Variants in CCSER1 observed in about 807,000 individuals in gnomAD.
CCSER1 encodes serine-rich coiled-coil domain-containing protein 1.
A neutral mutation model predicts 82.0 loss-of-function variants in CCSER1; 41 were observed. The ratio of observed to expected loss-of-function variants is 0.50; its 90% CI spans 0.39 to 0.65. The LOEUF (loss-of-function observed/expected upper bound fraction) is 0.65, where lower values mean the gene tolerates loss of function less well. Ranked by LOEUF, CCSER1 falls within the 30% of genes least tolerant of loss-of-function variation. The probability of loss-of-function intolerance (pLI) is 0.00; values close to 1 mark genes in which losing one functional copy is unlikely to be tolerated. For synonymous variants in CCSER1, 414 were observed against 383.9 expected, an observed-to-expected ratio of 1.08 and a Z score of -0.92; for missense variants, 1,119 against 1,064.2, an observed-to-expected ratio of 1.05 and a Z score of -0.72.
intron 10 of CCSER1, among the ~76,000 whole-genome samples, chr4:91,437,626 G>C (rs1754753529): frequency 6.6e-6 from 1 of 152,192 alleles, no homozygotes; most frequent in South Asian, 2.1e-4. Flanking sequence ...CAGACAGTGG[G>C]CGCAGGACAG....
chr4:90,586,255 C>T (rs191818522), intron 5 of CCSER1, among the ~76,000 whole-genome samples: 2 of 152,168 alleles, frequency 1.3e-5, no homozygotes, highest in African/African-American at 4.8e-5. Context: ...TATACCCCCC[C>T]ACCCCAGTTT....
intron 3 of CCSER1, chr4:90,325,623 A>C (rs1181877399): frequency 6.7e-6 from 3 of 449,420 alleles, no homozygotes; most frequent in South Asian, 4.7e-5. Flanking sequence ...TGACCATCTG[A>C]ATAGATGCTT....
chr4:91,514,215 C>G (rs1316393528), intron 10 of CCSER1, among the ~76,000 whole-genome samples: 1 of 152,034 alleles, frequency 6.6e-6, no homozygotes, highest in Non-Finnish European at 1.5e-5. Flanking sequence ...ATTGTTAACC[C>G]AAAAGTAATT....
intron 9 of CCSER1, among the ~76,000 whole-genome samples, chr4:91,047,781 T>C (rs1742640632): frequency 6.6e-6 from 1 of 152,178 alleles, no homozygotes; most frequent in African/African-American, 2.4e-5. Context: ...TTTAGGCATA[T>C]TTTGAGGAAG....
chr4:90,777,090 T>C (rs578173935), intron 7 of CCSER1, among the ~76,000 whole-genome samples: 4 of 152,230 alleles, frequency 2.6e-5, no homozygotes, highest in African/African-American at 9.6e-5. Context: ...GAGCGGTGGC[T>C]CATGCCTGTA....
At chr4:90,844,629 C>T (rs115473817) in intron 8 of CCSER1, among the ~76,000 whole-genome samples, 1 of 152,160 alleles carries the variant, frequency 6.6e-6, no homozygotes, top group South Asian at 2.1e-4. Context: ...CACTACTCTA[C>T]ACTATTTAAA....
At chr4:90,690,865 T>G (rs1246535450) in intron 6 of CCSER1, among the ~76,000 whole-genome samples, 1 of 152,044 alleles carries the variant, frequency 6.6e-6, no homozygotes, top group Non-Finnish European at 1.5e-5. Flanking sequence ...AATACAAAGT[T>G]GTATGCTTTT....
chr4:91,102,343 G>C (rs1259330384), intron 10 of CCSER1, among the ~76,000 whole-genome samples: 1 of 152,202 alleles, frequency 6.6e-6, no homozygotes, highest in Non-Finnish European at 1.5e-5. Context: ...AGAATAGGCA[G>C]GGATTAGGCA....
chr4:90,309,161 A>G lies in CCSER1; in HGVS notation c.877A>G (p.Thr293Ala). The G allele has an allele frequency of 6.2e-7, 1 of 1,613,876 alleles. No individual in the cohort carries two copies. Among genetic ancestry groups the G allele is most frequent in the Non-Finnish European group, 8.5e-7 (1 of 1,179,830 alleles). The change falls in exon 2 of 11, where the codon ACC becomes GCC. Residue 293 changes from threonine to alanine, a missense_variant. Coordinates refer to ENST00000509176, the MANE Select transcript of CCSER1 (RefSeq NM_001145065.2). ...TGACAACTTTGGCCACAATGATTCTACCTCTCAGATGTCCCTCAATTCTGC... is the reference window on the plus strand; with the variant it reads ...TGACAACTTTGGCCACAATGATTCTGCCTCTCAGATGTCCCTCAATTCTGC... ...HCDNFGHNDS[T>A]SQMSLNSAAV...
chr4:90,719,167 A>G (rs968405578), intron 6 of CCSER1, among the ~76,000 whole-genome samples: 1 of 151,970 alleles, frequency 6.6e-6, no homozygotes, highest in Non-Finnish European at 1.5e-5. Flanking sequence ...GCCATTACCA[A>G]CTGAGCTCCA....
At chr4:91,442,652 C>T (rs1755257282) in intron 10 of CCSER1, among the ~76,000 whole-genome samples, 1 of 135,640 alleles carries the variant, frequency 7.4e-6, no homozygotes, top group East Asian at 2.2e-4. Context: ...AGCTTCTGCA[C>T]AGCAAAAGAA....
At chr4:91,427,776 T>C (rs921742379) in intron 10 of CCSER1, among the ~76,000 whole-genome samples, 3 of 152,142 alleles carry the variant, frequency 2.0e-5, no homozygotes, top group African/African-American at 7.2e-5. Context: ...TGACTGTTTG[T>C]CATGGAGTTT....
chr4:90,403,476 G>A (rs1270285013), intron 4 of CCSER1, among the ~76,000 whole-genome samples: 1 of 136,154 alleles, frequency 7.3e-6, no homozygotes, highest in Non-Finnish European at 1.5e-5. Flanking sequence ...TCCAGCCTGG[G>A]CGACAGAGCG....
intron 8 of CCSER1, among the ~76,000 whole-genome samples, chr4:90,835,411 T>C (rs1394968916): frequency 6.6e-6 from 1 of 152,220 alleles, no homozygotes; most frequent in Non-Finnish European, 1.5e-5. Flanking sequence ...ACAGCTCATA[T>C]TTGAGCTTCT....
At chr4:90,916,270 A>G (rs1314405965) in intron 8 of CCSER1, among the ~76,000 whole-genome samples, 1 of 152,198 alleles carries the variant, frequency 6.6e-6, no homozygotes, top group Non-Finnish European at 1.5e-5. Context: ...ACTATACTAC[A>G]AGGCTACAGT....
intron 10 of CCSER1, among the ~76,000 whole-genome samples, chr4:91,396,900 C>T (rs1487895346): frequency 1.3e-5 from 2 of 151,930 alleles, no homozygotes; most frequent in Admixed American, 6.6e-5. Context: ...TTTCCCAACA[C>T]TGATAGGAAT....
At position 91,082,220 on chromosome 4, in the gene CCSER1, T is replaced by C. The variant is rs956848218; in HGVS notation, c.2173-3730T>C. The stretch of plus-strand genomic sequence containing the variant: ...TGGTACTGGTACCAAAACAGAGATA[T>C]AGACCAATGGAACAGAAAAGAGCCC... On this transcript the variant is annotated intron_variant, in intron 9 of 10. Transcript: ENST00000509176. Among the ~76,000 whole-genome samples the C allele has an allele frequency of 3.3e-5, 5 of 152,088 alleles. No individual in the cohort carries two copies. The East Asian group carries it at 9.7e-4, about 29-fold the overall frequency.
chr4:91,151,964 G>T lies in CCSER1; in HGVS notation c.2217+65970G>T, dbSNP rs895559171. ...ATGTATATTCTGTTGATTTGGGATG[G>T]AGAGTTCTGTAGATGTCTATTAGGT... On this transcript the variant is annotated intron_variant, in intron 10 of 10. Transcript: ENST00000509176. Among the ~76,000 whole-genome samples, 35 of 152,194 alleles carry T rather than the reference G, an allele frequency of 2.3e-4. 1 individual carries two copies. The highest frequency in any genetic ancestry group is 6.2e-4 in the South Asian group (3 of 4,828).
At chr4:91,027,367 T>G (rs1024860000) in intron 9 of CCSER1, among the ~76,000 whole-genome samples, 5 of 69,608 alleles carry the variant, frequency 7.2e-5, no homozygotes, top group African/African-American at 1.5e-4. Flanking sequence ...GTTAATTGGG[T>G]TTTTTTTTAC....
Sources: allele counts gnomAD v4.1 joint callset (sites outside exome capture counted in the v4.1 genomes callset), GRCh38; gene constraint gnomAD v4.1.1; transcripts MANE v1.5; gene names NCBI Gene and HGNC (gene_info 2026-07-23, HGNC 2026-07-21).